The following ATP8A2 variants were observed in gnomAD, a reference collection of about 807,000 sequenced individuals.
ATP8A2 encodes the protein phospholipid-transporting ATPase IB.
ATP8A2 carries 100 observed loss-of-function variants against 165.6 expected under a neutral mutation model. That is an observed-to-expected ratio of 0.60 (90% confidence interval 0.51 to 0.71). The LOEUF (loss-of-function observed/expected upper bound fraction) is 0.71, where lower values mean the gene tolerates loss of function less well. ATP8A2 is among the 30% of genes least tolerant of loss of function. ATP8A2 has a pLI of 0.00. For synonymous variants in ATP8A2, 543 were observed against 548.8 expected, an observed-to-expected ratio of 0.99 and a Z score of 0.15; for missense variants, 1,227 against 1,479.5, an observed-to-expected ratio of 0.83 and a Z score of 2.80.
chr13:25,588,778 C>G (rs1491001324), intron 23 of ATP8A2, among the ~76,000 whole-genome samples: 1 of 152,182 alleles, frequency 6.6e-6, no homozygotes, highest in Non-Finnish European at 1.5e-5. Context: ...CGCTAACCCC[C>G]CAAGGCACTG....
Position 25,785,665 on chromosome 13 carries a change from G to A in ATP8A2, c.2679+10706G>A, listed in dbSNP as rs558452985. On this transcript the variant is annotated intron_variant, in intron 27 of 36. Coordinates refer to ENST00000381655, the MANE Select transcript of ATP8A2 (RefSeq NM_016529.6). Reference sequence around the variant, plus strand: ...ATGTCTGAGCACAGAGCCACTGATCGTGCCTTTCTATTCATTTTTCTCTCT... The same window carrying A: ...ATGTCTGAGCACAGAGCCACTGATCATGCCTTTCTATTCATTTTTCTCTCT... Among the ~76,000 whole-genome samples the A allele has an allele frequency of 3.7e-4, 56 of 152,218 alleles. 1 individual carries two copies. Among genetic ancestry groups the A allele is most frequent in the Middle Eastern group, 3.4e-3 (1 of 294 alleles).
Position 26,020,776 on chromosome 13 carries a change from CAG to C in ATP8A2, c.*793_*794del, listed in dbSNP as rs1219627827. ...GCCTTTCCTTGTTCCACTGCAGACT[CAG>C]ATACAGATGCGAAAAATTCCTTCTT... On this transcript the variant is annotated 3_prime_UTR_variant, in exon 37 of 37. Coordinates refer to ENST00000381655, the MANE Select transcript of ATP8A2 (RefSeq NM_016529.6). 4 of 152,362 alleles carry C rather than the reference CAG, an allele frequency of 2.6e-5. No individual in the cohort carries two copies. The highest frequency in any genetic ancestry group is 9.6e-5 in the African/African-American group (4 of 41,480). The allele number at this position is 152,362 out of a possible 1,614,324, so 9.4% of individuals were successfully genotyped here. A position where few individuals can be genotyped will look rare whatever the true frequency, so the allele number is the denominator to read the frequency against.
chr13:25,667,306 C>T (rs1168287509), intron 24 of ATP8A2, among the ~76,000 whole-genome samples: 3 of 152,042 alleles, frequency 2.0e-5, no homozygotes, highest in Non-Finnish European at 2.9e-5. Flanking sequence ...CCCAGCATGG[C>T]AGTATTGGGA....
chr13:25,845,093 G>A lies in ATP8A2; in HGVS notation c.2956+5469G>A, dbSNP rs192320155. On this transcript the variant is annotated intron_variant, in intron 30 of 36. Coordinates refer to ENST00000381655, the MANE Select transcript of ATP8A2 (RefSeq NM_016529.6). ...TTTCAAAATAAATTTTTCCACTCAA[G>A]CAATTCAGTAAATCAGATTTCTTCC... is the stretch of plus-strand genomic sequence containing the variant. 8.7e-4 allele frequency among the ~76,000 whole-genome samples: 132 copies of A among 152,280 alleles called. 1 individual carries two copies. The highest frequency in any genetic ancestry group is 7.7e-3 in the Admixed American group (118 of 15,294).
intron 36 of ATP8A2, among the ~76,000 whole-genome samples, chr13:26,016,473 G>T (rs911866296): frequency 2.0e-5 from 3 of 152,170 alleles, no homozygotes; most frequent in African/African-American, 4.8e-5. Flanking sequence ...AGAGTTATGA[G>T]CTGAAGAAAC....
intron 1 of ATP8A2, among the ~76,000 whole-genome samples, chr13:25,465,964 T>G (rs2035657708): frequency 6.6e-6 from 1 of 151,744 alleles, no homozygotes; most frequent in Non-Finnish European, 1.5e-5. Context: ...TCCATCCTTT[T>G]ATCCCAACCT....
intron 33 of ATP8A2, among the ~76,000 whole-genome samples, chr13:25,889,681 T>G (rs937526203): frequency 6.6e-6 from 1 of 152,044 alleles, no homozygotes; most frequent in Non-Finnish European, 1.5e-5. Flanking sequence ...CCTGCCTATT[T>G]GTTCCTTCTA....
At position 25,932,933 on chromosome 13, in the gene ATP8A2, G is replaced by A. The variant is rs113410360; in HGVS notation, c.3184-28642G>A. Among the ~76,000 whole-genome samples the A allele has an allele frequency of 1.1e-3, 170 of 152,146 alleles. 1 individual carries two copies. The highest frequency in any genetic ancestry group is 3.9e-3 in the African/African-American group (161 of 41,510). ...GTGATCTCGGCTCACTGCAACCTCCGCCTCCCAGGTTCAAGTGATTCTCCC... is the reference window on the plus strand; with the variant it reads ...GTGATCTCGGCTCACTGCAACCTCCACCTCCCAGGTTCAAGTGATTCTCCC... On this transcript the variant is annotated intron_variant, in intron 33 of 36. Transcript: ENST00000381655.
chr13:25,928,608 A>G lies in ATP8A2; in HGVS notation c.3184-32967A>G, dbSNP rs77508790. ...ACTGATACTCAGAAGTGGTGTTTCA[A>G]TAATAGAACAGTTGTAGGATTCCTG... On this transcript the variant is annotated intron_variant, in intron 33 of 36. Transcript: ENST00000381655. 9.5e-3 allele frequency among the ~76,000 whole-genome samples: 1,451 copies of G among 152,324 alleles called. 18 individuals carry two copies. The highest frequency in any genetic ancestry group is 0.032 in the African/African-American group (1,335 of 41,566).
chr13:25,469,579 A>G (rs1315951361), intron 2 of ATP8A2, among the ~76,000 whole-genome samples: 2 of 152,284 alleles, frequency 1.3e-5, no homozygotes, highest in East Asian at 3.9e-4. Flanking sequence ...GTCCACGACA[A>G]TTGTTAAGAG....
At chr13:25,620,987 T>C (rs991600632) in intron 24 of ATP8A2, among the ~76,000 whole-genome samples, 1 of 152,004 alleles carries the variant, frequency 6.6e-6, no homozygotes, top group Non-Finnish European at 1.5e-5. Context: ...TTGAGAGAAG[T>C]GGAGTAGTGG....
At chr13:25,497,225 T>A (rs1471207286) in intron 2 of ATP8A2, among the ~76,000 whole-genome samples, 1 of 152,210 alleles carries the variant, frequency 6.6e-6, no homozygotes, top group Non-Finnish European at 1.5e-5. Context: ...TATGTGTGAT[T>A]AAAGTCGTGA....
In ATP8A2 at chr13:25,372,053, C is replaced by T; in HGVS notation, c.-160C>T. The T allele has an allele frequency of 3.1e-6, 1 of 326,394 alleles. No individual in the cohort carries two copies. The allele number at this position is 326,394 out of a possible 1,614,324, so 20.2% of individuals were successfully genotyped here. A position where few individuals can be genotyped will look rare whatever the true frequency, so the allele number is the denominator to read the frequency against. The stretch of plus-strand genomic sequence containing the variant: ...GGCCGCTGCGGCACGGACGGCGCAG[C>T]CTCGGGCGCGGCCCGGCACAGGCGC... On this transcript the variant is annotated 5_prime_UTR_variant, in exon 1 of 37. Transcript: ENST00000381655. The surrounding 1 kb of genome is among the most constrained non-coding windows in gnomAD (Gnocchi z 4.8).
intron 1 of ATP8A2, among the ~76,000 whole-genome samples, chr13:25,464,481 C>T (rs2035584098): frequency 6.7e-6 from 1 of 149,816 alleles, no homozygotes; most frequent in East Asian, 2.0e-4. Flanking sequence ...CTTTCTCTGT[C>T]TCCTGGTCCA....
chr13:25,507,689 A>G (rs1366253843), intron 2 of ATP8A2, among the ~76,000 whole-genome samples: 1 of 152,242 alleles, frequency 6.6e-6, no homozygotes, highest in Admixed American at 6.5e-5. Flanking sequence ...TAAAAAAGTC[A>G]GTAAAGACAA....
At chr13:25,537,298 C>T (rs947092790) in intron 6 of ATP8A2, among the ~76,000 whole-genome samples, 6 of 152,166 alleles carry the variant, frequency 3.9e-5, no homozygotes, top group Non-Finnish European at 7.3e-5. Context: ...GGTGAATTTA[C>T]TGTTGCCTTT....
chr13:25,447,257 CT>C (rs1182003931), intron 1 of ATP8A2, among the ~76,000 whole-genome samples: 5 of 151,976 alleles, frequency 3.3e-5, no homozygotes, highest in African/African-American at 1.2e-4. Context: ...TAAGTAAAAA[CT>C]TTTTTTCTTT....
chr13:25,405,911 C>T (rs112805191), intron 1 of ATP8A2, among the ~76,000 whole-genome samples: 1,587 of 152,170 alleles, frequency 0.01, 26 homozygotes, highest in African/African-American at 0.036. Flanking sequence ...TTTTATTCTC[C>T]CACTCATGTC....
At chr13:25,530,887 G>C (rs565854815) in intron 4 of ATP8A2, among the ~76,000 whole-genome samples, 1 of 152,070 alleles carries the variant, frequency 6.6e-6, no homozygotes, top group African/African-American at 2.4e-5. Context: ...TAGGTCTCTG[G>C]AGCCCCATTG....
Sources: allele counts gnomAD v4.1 joint callset (sites outside exome capture counted in the v4.1 genomes callset), GRCh38; gene constraint gnomAD v4.1.1; non-coding constraint Gnocchi (gnomAD v3.1); transcripts MANE v1.5; gene names NCBI Gene and HGNC (gene_info 2026-07-23, HGNC 2026-07-21).